The following GLT1D1 variants were observed in gnomAD, a reference collection of about 807,000 sequenced individuals.
GLT1D1 encodes the protein glycosyltransferase 1 domain containing 1.
A neutral mutation model predicts 28.7 loss-of-function variants in GLT1D1; 21 were observed. That is an observed-to-expected ratio of 0.73 (90% confidence interval 0.52 to 1.05). The LOEUF (loss-of-function observed/expected upper bound fraction) is 1.05. Among genes scored for constraint, GLT1D1 ranks in the 50% least tolerant of loss-of-function variants. GLT1D1 has a pLI of 0.00. For missense variants in GLT1D1, 343 were observed against 330.6 expected (o/e 1.04, Z -0.29); for synonymous variants, 147 against 124.8 (o/e 1.18, Z -1.19).
At chr12:128,901,437 T>C (rs1426233567) in intron 4 of GLT1D1, among the ~76,000 whole-genome samples, 1 of 114,836 alleles carries the variant, frequency 8.7e-6, no homozygotes, top group Admixed American at 7.9e-5. Context: ...TCTCTCTCTC[T>C]CATTTTTTTT....
At chr12:128,913,950 G>A (rs1173785636) in intron 4 of GLT1D1, among the ~76,000 whole-genome samples, 4 of 152,138 alleles carry the variant, frequency 2.6e-5, no homozygotes, top group Admixed American at 6.5e-5. Context: ...ACATGCAGTC[G>A]GAGCCCAGGG....
intron 5 of GLT1D1, among the ~76,000 whole-genome samples, chr12:128,946,504 G>C (rs668600): frequency 6.6e-6 from 1 of 151,208 alleles, no homozygotes; most frequent in Non-Finnish European, 1.5e-5. Flanking sequence ...CCGCCGCTGC[G>C]CCCGGCTAAT....
intron 6 of GLT1D1, among the ~76,000 whole-genome samples, chr12:128,950,958 T>A (rs1286105401): frequency 6.6e-6 from 1 of 152,204 alleles, no homozygotes; most frequent in Non-Finnish European, 1.5e-5. Context: ...AAGATCTGTA[T>A]TGCACGTCAT....
intron 1 of GLT1D1, among the ~76,000 whole-genome samples, chr12:128,856,398 C>T (rs1956224973): frequency 6.6e-6 from 1 of 152,162 alleles, no homozygotes. Flanking sequence ...TTTACCCAGC[C>T]CTTATTCAAG....
intron 4 of GLT1D1, among the ~76,000 whole-genome samples, chr12:128,920,418 G>T (rs1004379217): frequency 1.5e-4 from 23 of 152,134 alleles, no homozygotes; most frequent in Admixed American, 1.5e-3. Flanking sequence ...GCCAGGTGTG[G>T]TAGTGCATGT....
intron 7 of GLT1D1, among the ~76,000 whole-genome samples, chr12:128,958,315 A>G (rs1030416375): frequency 3.9e-5 from 6 of 152,272 alleles, no homozygotes; most frequent in African/African-American, 1.2e-4. Flanking sequence ...TCTCTTCTGG[A>G]TAAGTGGAGC....
chr12:128,896,730 C>T lies in GLT1D1; in HGVS notation c.324-2506C>T, dbSNP rs190013424. 6.6e-4 allele frequency among the ~76,000 whole-genome samples: 100 copies of T among 152,120 alleles called. 1 individual carries two copies. Among genetic ancestry groups the T allele is most frequent in the Non-Finnish European group, 9.1e-4 (62 of 67,996 alleles). On this transcript the variant is annotated intron_variant, in intron 3 of 7. Transcript: ENST00000281703. ...GAGTAGCTGGGATTACAGGCATGCA[C>T]CACCATGCCCAGCTACAGTTTTGAT...
Position 128,878,024 on chromosome 12 carries a change from C to A in GLT1D1, c.217+1962C>A, listed in dbSNP as rs561415821. The stretch of plus-strand genomic sequence containing the variant: ...GCCAGCTTCTCCCTGAGAGAACCAT[C>A]AAAAGAAAAGCAAGTTGGAATTTGC... On this transcript the variant is annotated intron_variant, in intron 2 of 7. Transcript: ENST00000281703. Among the ~76,000 whole-genome samples, 6 of 152,298 alleles carry A rather than the reference C, an allele frequency of 3.9e-5. No individual in the cohort carries two copies. The South Asian group carries it at 1.2e-3, about 32-fold the overall frequency.
Position 128,956,158 on chromosome 12 carries a change from C to CAAAAAAAAAAA in GLT1D1, c.541-1383_541-1373dup, listed in dbSNP as rs1555219265. On this transcript the variant is annotated intron_variant, in intron 6 of 7. Transcript: ENST00000281703. Reference sequence around the variant, plus strand: ...TGGGTGACAGAGCGAGACTCCATCTCAAAAAAAAAAAAAAGAGAAAGAGAG... The same window carrying CAAAAAAAAAAA: ...TGGGTGACAGAGCGAGACTCCATCTCAAAAAAAAAAAAAAAAAAAAAAAAAGAGAAAGAGAG... 1.1e-3 allele frequency among the ~76,000 whole-genome samples: 8 copies of CAAAAAAAAAAA among 7,464 alleles called. 1 individual carries two copies. The highest frequency in any genetic ancestry group is 2.3e-3 in the African/African-American group (6 of 2,564). 4.9% of individuals were successfully genotyped at this position (7,464 alleles called of 152,430 possible).
Position 128,963,234 on chromosome 12 carries a change from C to G in GLT1D1, c.639+5591C>G, listed in dbSNP as rs184958087. ...TGCCTCTGGCCATCAGTGTCCTCCT[C>G]GCTCCTGACAGAAGAGGTGTCAGCT... is the stretch of plus-strand genomic sequence containing the variant. On this transcript the variant is annotated intron_variant, in intron 7 of 7. Transcript: ENST00000281703. Among the ~76,000 whole-genome samples the G allele has an allele frequency of 6.6e-5, 10 of 152,198 alleles. 1 individual carries two copies. The highest frequency in any genetic ancestry group is 1.3e-4 in the Non-Finnish European group (9 of 68,044).
In GLT1D1 at chr12:128,941,690, A is replaced by G. The variant is rs181198044; in HGVS notation, c.376-3636A>G. ...CGGGTTCAAGCGATTCTTCCGCTTC[A>G]GCTTCCCAAGTAGCTGGGATTACAG... On this transcript the variant is annotated intron_variant, in intron 4 of 7. Transcript: ENST00000281703. Among the ~76,000 whole-genome samples the G allele has an allele frequency of 3.1e-3, 468 of 148,808 alleles. 2 individuals carry two copies. Among genetic ancestry groups the G allele is most frequent in the South Asian group, 0.021 (102 of 4,758 alleles).
chr12:128,956,821 T>C (rs1877360286), intron 6 of GLT1D1, among the ~76,000 whole-genome samples: 1 of 152,246 alleles, frequency 6.6e-6, no homozygotes, highest in Non-Finnish European at 1.5e-5. Flanking sequence ...CTTTTTGAAG[T>C]TGCAAAATTG....
chr12:128,893,757 T>C (rs1869327463), intron 3 of GLT1D1, among the ~76,000 whole-genome samples: 1 of 152,098 alleles, frequency 6.6e-6, no homozygotes, highest in Admixed American at 6.6e-5. Flanking sequence ...GGCTAATTTT[T>C]GTATTTTTAG....
At chr12:128,942,737 T>TG (rs1875451735) in intron 4 of GLT1D1, among the ~76,000 whole-genome samples, 1 of 93,924 alleles carries the variant, frequency 1.1e-5, no homozygotes, top group African/African-American at 4.5e-5. Flanking sequence ...TTTTCTTTGT[T>TG]TGTTTGTTTT....
intron 7 of GLT1D1, among the ~76,000 whole-genome samples, chr12:128,963,024 G>A (rs1360988277): frequency 6.6e-6 from 1 of 152,142 alleles, no homozygotes; most frequent in Non-Finnish European, 1.5e-5. Context: ...AAACATGATG[G>A]GGACCTACTT....
intron 7 of GLT1D1, among the ~76,000 whole-genome samples, chr12:128,975,153 G>C (rs1025442880): frequency 6.6e-6 from 1 of 152,136 alleles, no homozygotes; most frequent in African/African-American, 2.4e-5. Flanking sequence ...GCATTGTCCC[G>C]GCAAAGGGTC....
In GLT1D1 at chr12:128,951,997, GCA is replaced by G. The variant is rs1424328405; in HGVS notation, c.540+4541_540+4542del. Reference sequence around the variant, plus strand: ...GGAATCCTCCCCTGCGTCTCCCCGTGCACTGTGGACCATCAAATGGGATGAGT... The same window carrying G: ...GGAATCCTCCCCTGCGTCTCCCCGTGCTGTGGACCATCAAATGGGATGAGT... On this transcript the variant is annotated intron_variant, in intron 6 of 7. Coordinates refer to ENST00000281703, the MANE Select transcript of GLT1D1 (RefSeq NM_144669.3). 6.6e-5 allele frequency among the ~76,000 whole-genome samples: 10 copies of G among 152,228 alleles called. No homozygotes were observed. The South Asian group carries it at 8.3e-4, about 13-fold the overall frequency.
At chr12:128,928,025 A>C (rs1213802219) in intron 4 of GLT1D1, among the ~76,000 whole-genome samples, 7 of 145,910 alleles carry the variant, frequency 4.8e-5, no homozygotes, top group South Asian at 2.1e-4. Context: ...AAAAAAAAAA[A>C]CAAAAAAGAA....
chr12:128,920,363 G>T (rs1057350968), intron 4 of GLT1D1, among the ~76,000 whole-genome samples: 11 of 152,200 alleles, frequency 7.2e-5, no homozygotes, highest in Admixed American at 6.5e-4. Context: ...AGACCAGCTT[G>T]ACCAACATGG....
Sources: allele counts gnomAD v4.1 joint callset (sites outside exome capture counted in the v4.1 genomes callset), GRCh38; gene constraint gnomAD v4.1.1; transcripts MANE v1.5; gene names NCBI Gene and HGNC (gene_info 2026-07-23, HGNC 2026-07-21).